UTRN: variants seen among roughly 807,000 people sequenced by gnomAD.
UTRN encodes utrophin.
Under a neutral mutation model 463.9 loss-of-function variants are expected in UTRN, and 283 were observed. The observed-to-expected ratio is 0.61, with a 90% CI of 0.55 to 0.67. The LOEUF (loss-of-function observed/expected upper bound fraction) is 0.67. UTRN is among the 30% of genes least tolerant of loss of function. The pLI is 0.00. For synonymous variants in UTRN, 1,442 were observed against 1,431.5 expected (o/e 1.01, Z -0.17); for missense variants, 3,922 against 4,084.3 (o/e 0.96, Z 1.08).
intron 23 of UTRN, among the ~76,000 whole-genome samples, chr6:144,465,583 T>C (rs1789870389): frequency 6.6e-6 from 1 of 152,334 alleles, no homozygotes; most frequent in Admixed American, 6.5e-5. Flanking sequence ...TATTTCTTAA[T>C]TGTATAACTT....
At chr6:144,500,391 T>C (rs1346223537) in intron 34 of UTRN, among the ~76,000 whole-genome samples, 2 of 152,240 alleles carry the variant, frequency 1.3e-5, no homozygotes, top group Admixed American at 6.5e-5. Context: ...TTTCGTGTGT[T>C]GTTGGCTGCT....
At chr6:144,331,455 C>G (rs145510763) in intron 2 of UTRN, among the ~76,000 whole-genome samples, 1 of 152,242 alleles carries the variant, frequency 6.6e-6, no homozygotes, top group African/African-American at 2.4e-5. Flanking sequence ...CGAAAAGTGT[C>G]TGTTGTATGA....
rs1452657276 is a variant in UTRN at position 144,758,626 on chromosome 6, G to A, written c.8495+637G>A. Among the ~76,000 whole-genome samples the A allele has an allele frequency of 2.6e-5, 4 of 152,046 alleles. No individual in the cohort carries two copies. The East Asian group carries it at 7.7e-4, about 29-fold the overall frequency. The stretch of plus-strand genomic sequence containing the variant: ...CTTCTTCTTATATGACATTTTATAA[G>A]TTTTGTATAATTTACACAGGCTCTT... On this transcript the variant is annotated intron_variant, in intron 58 of 74. Transcript: ENST00000367545.
intron 53 of UTRN, among the ~76,000 whole-genome samples, chr6:144,711,914 C>A (rs946700205): frequency 2.6e-5 from 4 of 152,126 alleles, no homozygotes; most frequent in Non-Finnish European, 4.4e-5. Flanking sequence ...ATTAAAATAA[C>A]AAATTCTAAC....
At chr6:144,692,542 T>G (rs1169557257) in intron 52 of UTRN, among the ~76,000 whole-genome samples, 1 of 152,226 alleles carries the variant, frequency 6.6e-6, no homozygotes, top group Non-Finnish European at 1.5e-5. Context: ...CTCCTCAACC[T>G]TGTCAGCATC....
At chr6:144,478,409 A>AATCTCTGT (rs1274797872) in intron 25 of UTRN, among the ~76,000 whole-genome samples, 2 of 152,112 alleles carry the variant, frequency 1.3e-5, no homozygotes, top group African/African-American at 2.4e-5. Context: ...GGGGCCCAAG[A>AATCTCTGT]ATCTCTGTCT....
In UTRN at chr6:144,428,767, A is replaced by G; in HGVS notation, c.579-11A>G. The G allele has an allele frequency of 2.6e-6, 4 of 1,510,160 alleles. No individual in the cohort carries two copies. The highest frequency in any genetic ancestry group is 2.7e-6 in the Non-Finnish European group (3 of 1,105,872). 93.5% of individuals were successfully genotyped at this position (1,510,160 alleles called of 1,614,324 possible). On this transcript the variant is annotated splice_polypyrimidine_tract_variant and intron_variant, in intron 7 of 74. Coordinates refer to ENST00000367545, the MANE Select transcript of UTRN (RefSeq NM_007124.3). ...TTCATCTTCATTGCATTTTATTTGC[A>G]TGGTTTTCAGACCTGATCTCTTCAG...
In UTRN at chr6:144,406,148, A is replaced by G. The variant is rs371758562; in HGVS notation, c.141+2964A>G. 1.6e-4 allele frequency among the ~76,000 whole-genome samples: 25 copies of G among 152,308 alleles called. No individual in the cohort carries two copies. In the East Asian group the frequency reaches 4.4e-3, roughly 27 times the overall value. Reference sequence around the variant, plus strand: ...TGTGTTTTTAAAAATTTTCCCCTGAACTGGTTGTAACAGCTTACTGGGTCC... The same window carrying G: ...TGTGTTTTTAAAAATTTTCCCCTGAGCTGGTTGTAACAGCTTACTGGGTCC... On this transcript the variant is annotated intron_variant, in intron 3 of 74. Transcript: ENST00000367545.
chr6:144,776,037 G>A (rs974665094), intron 60 of UTRN, among the ~76,000 whole-genome samples: 3 of 152,182 alleles, frequency 2.0e-5, no homozygotes, highest in African/African-American at 7.2e-5. Context: ...AGAGCCAACT[G>A]ACCTTCACTT....
chr6:144,679,778 T>A (rs539619947), intron 52 of UTRN, among the ~76,000 whole-genome samples: 5 of 151,976 alleles, frequency 3.3e-5, no homozygotes, highest in Non-Finnish European at 4.4e-5. Context: ...TGAATTAAAA[T>A]TTTTTTTTCT....
chr6:144,820,209 T>C (rs920812596), intron 65 of UTRN, among the ~76,000 whole-genome samples: 1 of 152,210 alleles, frequency 6.6e-6, no homozygotes, highest in Admixed American at 6.5e-5. Context: ...CCCTAAATGA[T>C]TATCAAACTA....
intron 51 of UTRN, among the ~76,000 whole-genome samples, chr6:144,635,138 GTTTTTT>G (rs149100143): frequency 9.7e-6 from 1 of 103,098 alleles, no homozygotes; most frequent in Admixed American, 1.1e-4. Context: ...TTATTTGTGT[GTTTTTT>G]TTTTTTTTTT....
chr6:144,582,609 A>G (rs1004212061), intron 51 of UTRN, among the ~76,000 whole-genome samples: 7 of 152,206 alleles, frequency 4.6e-5, no homozygotes, highest in Non-Finnish European at 8.8e-5. Context: ...CTAAGGGGAA[A>G]TGTGGCAATT....
intron 2 of UTRN, among the ~76,000 whole-genome samples, chr6:144,356,418 C>G (rs1218350364): frequency 6.6e-6 from 1 of 152,174 alleles, no homozygotes; most frequent in Non-Finnish European, 1.5e-5. Context: ...AAAATCACTT[C>G]TGGTTGAGAA....
intron 27 of UTRN, among the ~76,000 whole-genome samples, chr6:144,484,571 T>C (rs1792239568): frequency 6.7e-6 from 1 of 150,316 alleles, no homozygotes; most frequent in Middle Eastern, 3.5e-3. Flanking sequence ...GCCTCCCGAG[T>C]AGCTGGGATT....
intron 65 of UTRN, among the ~76,000 whole-genome samples, chr6:144,807,867 A>G (rs1466355157): frequency 6.6e-6 from 1 of 152,180 alleles, no homozygotes. Flanking sequence ...AATTTGCCTC[A>G]TAAAAGCCAG....
chr6:144,477,001 A>G (rs1488798945), intron 25 of UTRN, among the ~76,000 whole-genome samples: 1 of 152,036 alleles, frequency 6.6e-6, no homozygotes, highest in African/African-American at 2.4e-5. Flanking sequence ...CTCACTTTAG[A>G]AAAAAAATGA....
At chr6:144,553,763 A>T (rs1244632533) in intron 48 of UTRN, among the ~76,000 whole-genome samples, 1 of 152,204 alleles carries the variant, frequency 6.6e-6, no homozygotes, top group East Asian at 1.9e-4. Context: ...ATACAAAAGT[A>T]GCCGGGTGTG....
chr6:144,539,170 A>AT (rs1467370740), intron 44 of UTRN, 124 bp from the exon 45 acceptor site: 2 of 1,139,028 alleles, frequency 1.8e-6, no homozygotes, highest in Non-Finnish European at 2.4e-6. Context: ...TTATAAGTTT[A>AT]TTTTTTCACT....
Sources: gnomAD v4.1 joint callset for allele counts (sites outside exome capture counted in the v4.1 genomes callset) on GRCh38, gnomAD v4.1.1 for gene constraint, MANE v1.5 for transcripts, NCBI Gene and HGNC (gene_info 2026-07-23, HGNC 2026-07-21) for gene names.